Variants in KRT76 observed in about 807,000 individuals in gnomAD.
KRT76 encodes the protein keratin 76, also known as keratin, type II cytoskeletal 2 oral.
A neutral mutation model predicts 44.9 loss-of-function variants in KRT76; 47 were observed. That is an observed-to-expected ratio of 1.05 (90% CI 0.83 to 1.33). The LOEUF is 1.33. KRT76 is among the 40% of genes most tolerant of loss of function. KRT76 has a pLI of 0.00. For synonymous variants in KRT76, 331 were observed against 294.1 expected, an observed-to-expected ratio of 1.13 and a Z score of -1.28; for missense variants, 860 against 775.8, an observed-to-expected ratio of 1.11 and a Z score of -1.29.
At position 52,772,792 on chromosome 12, in the gene KRT76, G is replaced by T. The variant is rs1166343702; in HGVS notation, c.963C>A (p.Leu321=). The T allele has an allele frequency of 6.2e-7, 1 of 1,611,076 alleles. No homozygotes were observed. Among genetic ancestry groups the T allele is most frequent in the Non-Finnish European group, 8.5e-7 (1 of 1,177,338 alleles). Residue 321 remains leucine (L), a synonymous_variant, in exon 4 of 9, where the codon CTC becomes CTA. Transcript: ENST00000332411. ...CAAACCAAGGAATCACCATCTCATA[G>T]AGGGTCCTCAGGAAGCTGACTTCAT... is the stretch of plus-strand genomic sequence containing the variant. ...LTDEVSFLRT[L]YEMELSQMQS...
Position 52,768,977 on chromosome 12 carries a change from G to T in KRT76, c.1653C>A (p.Val551=). The change falls in exon 9 of 9, where the codon GTC becomes GTA. Residue 551 remains valine, a synonymous_variant. Coordinates refer to ENST00000332411, the MANE Select transcript of KRT76 (RefSeq NM_015848.4). ...CATAGCCACTGCCGCTGCCGCCACT[G>T]ACTCCATAGCCACTGCTGCTGCTGC... The part of the protein sequence containing the change: ...SSSSSSSGYG[V]SGGSGSGYGG... 2 of 1,155,658 alleles carry T rather than the reference G, an allele frequency of 1.7e-6. No individual in the cohort carries two copies. The highest frequency in any genetic ancestry group is 1.5e-5 in the African/African-American group (1 of 65,334). 71.6% of individuals were successfully genotyped at this position (1,155,658 alleles called of 1,614,324 possible).
In KRT76 at chr12:52,772,223, C is replaced by A. The variant is rs745778936; in HGVS notation, c.1008G>T (p.Thr336=). 6.2e-7 allele frequency: 1 copy of A among 1,609,308 alleles called. No homozygotes were observed. ...TGTTGTCCATGGACAGAACCACAGA[C>A]GTGTCACTGGCATGGCTTTGCATCT... ...LSQMQSHASD[T]SVVLSMDNNR... is the part of the protein sequence containing the mutation. Residue 336 remains threonine (T), a synonymous_variant, in exon 5 of 9, where the codon ACG becomes ACT. Coordinates refer to ENST00000332411, the MANE Select transcript of KRT76 (RefSeq NM_015848.4).
chr12:52,771,946 G>T lies in KRT76; in HGVS notation c.1188C>A (p.Asn396Lys). 6.2e-7 allele frequency: 1 copy of T among 1,614,136 alleles called. No individual in the cohort carries two copies. The highest frequency in any genetic ancestry group is 8.5e-7 in the Non-Finnish European group (1 of 1,180,006). Residue 396 changes from asparagine to lysine, a missense_variant, in exon 6 of 9, where the codon AAC becomes AAA. Transcript: ENST00000332411. ...TGAGCTCCATGATCTCACTCTTGGT[G>T]TTCCTCAGGTCATCCCCATGCCTGC... is the stretch of plus-strand genomic sequence containing the variant. ...TAGRHGDDLR[N>K]TKSEIMELNR...
rs1939131366 is a variant in KRT76 at position 52,768,809 on chromosome 12, A to G, written c.1821T>C (p.Thr607=). Residue 607 remains threonine, a synonymous_variant, in exon 9 of 9, where the codon ACT becomes ACC. Transcript: ENST00000332411. ...CAGACTTGTAGCCACTTCCTCCAGA[A>G]GTCTGGATGCTGCCAGAGCTGGAGC... ...GMGSSSGSIQ[T]SGGSGYKSGG... 2 of 1,613,874 alleles carry G rather than the reference A, an allele frequency of 1.2e-6. No individual in the cohort carries two copies. Among genetic ancestry groups the G allele is most frequent in the Non-Finnish European group, 1.7e-6 (2 of 1,179,926 alleles).
At position 52,775,877 on chromosome 12, in the gene KRT76, A is replaced by C. The variant is rs187259216; in HGVS notation, c.601-275T>G. Among the ~76,000 whole-genome samples, 6 of 152,264 alleles carry C rather than the reference A, an allele frequency of 3.9e-5. No individual in the cohort carries two copies. The East Asian group carries it at 5.8e-4, about 15-fold the overall frequency. ...TGATCCCCATTTTGTAGATAAGGAAACTGAGACTCAAAGAGTTTAAGTTTC... is the reference window on the plus strand; with the variant it reads ...TGATCCCCATTTTGTAGATAAGGAACCTGAGACTCAAAGAGTTTAAGTTTC... On this transcript the variant is annotated intron_variant, in intron 1 of 8. Transcript: ENST00000332411.
chr12:52,774,280 G>C (rs1321054183), intron 2 of KRT76, among the ~76,000 whole-genome samples: 1 of 152,196 alleles, frequency 6.6e-6, no homozygotes, highest in Non-Finnish European at 1.5e-5. Context: ...GGCAGTCAGT[G>C]AGAGGGCAAA....
chr12:52,777,036 T>C lies in KRT76; in HGVS notation c.256A>G (p.Ser86Gly). ...SRAGGFGGGR[S>G]SCGFAGGYGG... is the part of the protein sequence containing the mutation. ...TAGCCACCTGCAAAGCCACAGCTGC[T>C]CCGCCCTCCCCCAAAGCCTCCAGCC... is the stretch of plus-strand genomic sequence containing the variant. The change falls in exon 1 of 9, where the codon AGC becomes GGC. Residue 86 changes from serine to glycine, a missense_variant. Transcript: ENST00000332411. The C allele has an allele frequency of 1.2e-6, 2 of 1,614,008 alleles. No homozygotes were observed. Among genetic ancestry groups the C allele is most frequent in the Non-Finnish European group, 1.7e-6 (2 of 1,179,934 alleles).
rs1592294913 is a variant in KRT76 at position 52,774,875 on chromosome 12, G to A, written c.815+513C>T. 2.6e-5 allele frequency among the ~76,000 whole-genome samples: 4 copies of A among 152,306 alleles called. 1 individual carries two copies. Among genetic ancestry groups the A allele is most frequent in the Admixed American group, 2.6e-4 (4 of 15,302 alleles). ...GGATATGGACTGCAACTTGGAACGT[G>A]GAGGAGGAGGCAAACCAAAGCTGCA... is the stretch of plus-strand genomic sequence containing the variant. On this transcript the variant is annotated intron_variant, in intron 2 of 8. Coordinates refer to ENST00000332411, the MANE Select transcript of KRT76 (RefSeq NM_015848.4).
chr12:52,776,844 C>T lies in KRT76; in HGVS notation c.448G>A (p.Gly150Ser). 1 of 1,613,852 alleles carries T rather than the reference C, an allele frequency of 6.2e-7. No homozygotes were observed. ...FGGPGGFGPG[G>S]FPGGIQEVIV... ...ACTTCCTGAATTCCCCCAGGAAAGCCCCCAGGGCCAAAGCCACCAGGACCA... is the reference window on the plus strand; with the variant it reads ...ACTTCCTGAATTCCCCCAGGAAAGCTCCCAGGGCCAAAGCCACCAGGACCA... Residue 150 changes from glycine to serine, a missense_variant, in exon 1 of 9, where the codon GGC (glycine) becomes AGC (serine). Gly to Ser is a moderately conservative substitution (Grantham distance 56, BLOSUM62 0). Transcript: ENST00000332411.
rs555156130 is a variant in KRT76 at position 52,768,612 on chromosome 12, G to A, written c.*101C>T. 1.0e-5 allele frequency: 14 copies of A among 1,344,140 alleles called. No homozygotes were observed. The highest frequency in any genetic ancestry group is 1.9e-4 in the Middle Eastern group (1 of 5,212). The allele number at this position is 1,344,140 out of a possible 1,614,324, so 83.3% of individuals were successfully genotyped here. On this transcript the variant is annotated 3_prime_UTR_variant, in exon 9 of 9. Transcript: ENST00000332411. The stretch of plus-strand genomic sequence containing the variant: ...TTCTCCAGGGAACTTGAGGAAAAAT[G>A]TGGTTGACCCTTATGCATCTATTGA...
Position 52,772,269 on chromosome 12 carries a change from CAT to C in KRT76, c.973-13_973-12del. The stretch of plus-strand genomic sequence containing the variant: ...CATCTGGGACAGCTCCTGCAGGAAA[CAT>C]GGATAGTTACTCTTACCATCGCCTG... On this transcript the variant is annotated splice_polypyrimidine_tract_variant and intron_variant, in intron 4 of 8. Coordinates refer to ENST00000332411, the MANE Select transcript of KRT76 (RefSeq NM_015848.4). The C allele has an allele frequency of 4.4e-6, 7 of 1,586,074 alleles. No homozygotes were observed. The highest frequency in any genetic ancestry group is 6.0e-6 in the Non-Finnish European group (7 of 1,165,772).
intron 1 of KRT76, among the ~76,000 whole-genome samples, chr12:52,776,319 GT>G (rs148222082): frequency 0.039 from 5,930 of 152,294 alleles, 386 homozygotes; most frequent in African/African-American, 0.13. Flanking sequence ...CTAACACAAG[GT>G]TTTGATTACC....
At chr12:52,773,353 A>G (rs1939214209) in intron 3 of KRT76, among the ~76,000 whole-genome samples, 1 of 152,208 alleles carries the variant, frequency 6.6e-6, no homozygotes. Flanking sequence ...ATTAGTTCGC[A>G]TTGCTAATCA....
At position 52,768,560 on chromosome 12, in the gene KRT76, G is replaced by T. The variant is rs2121179744; in HGVS notation, c.*153C>A. On this transcript the variant is annotated 3_prime_UTR_variant, in exon 9 of 9. Coordinates refer to ENST00000332411, the MANE Select transcript of KRT76 (RefSeq NM_015848.4). ...CTCCATGGCCCTGGGAAGGTCATGG[G>T]GATGGAGAAACCAGGAGTTCAGCTT... 2.3e-6 allele frequency: 2 copies of T among 864,694 alleles called. No individual in the cohort carries two copies. Among genetic ancestry groups the T allele is most frequent in the East Asian group, 4.9e-5 (2 of 40,698 alleles). 53.6% of individuals were successfully genotyped at this position (864,694 alleles called of 1,614,324 possible).
rs1266191319 is a variant in KRT76, at chr12:52,769,130, C to T, written c.1520-20G>A. The T allele has an allele frequency of 1.5e-6, 1 of 681,820 alleles. No individual in the cohort carries two copies. Among genetic ancestry groups the T allele is most frequent in the Admixed American group, 2.1e-5 (1 of 48,336 alleles). The allele number at this position is 681,820 out of a possible 1,614,324, so 42.2% of individuals were successfully genotyped here. On this transcript the variant is annotated intron_variant, in intron 8 of 8. Coordinates refer to ENST00000332411, the MANE Select transcript of KRT76 (RefSeq NM_015848.4). ...CCACTGCTACAAGACAACAGGCACA[C>T]AATTCAGGCAAAGGGCCTGGGAAAC...
chr12:52,777,111 G>T lies in KRT76; in HGVS notation c.181C>A (p.Leu61Met). 1.2e-6 allele frequency: 2 copies of T among 1,614,228 alleles called. No homozygotes were observed. Among genetic ancestry groups the T allele is most frequent in the Non-Finnish European group, 1.7e-6 (2 of 1,180,054 alleles). The change falls in exon 1 of 9, where the codon CTG (leucine) becomes ATG (methionine). Residue 61 changes from leucine (L) to methionine (M), a missense_variant. By Grantham distance (15) the Leu-to-Met change is conservative. Coordinates refer to ENST00000332411, the MANE Select transcript of KRT76 (RefSeq NM_015848.4). Reference protein sequence around the residue: ...GSFGSRSLYNLGSNKSISISV... With the variant: ...GSFGSRSLYNMGSNKSISISV... ...ATGGAGATGCTCTTGTTGCTGCCCAGGTTGTAGAGGCTGCGACTGCCAAAG... is the reference window on the plus strand; with the variant it reads ...ATGGAGATGCTCTTGTTGCTGCCCATGTTGTAGAGGCTGCGACTGCCAAAG...
intron 3 of KRT76, among the ~76,000 whole-genome samples, chr12:52,773,146 C>T (rs1180777577): frequency 6.6e-6 from 1 of 152,064 alleles, no homozygotes; most frequent in South Asian, 2.1e-4. Context: ...TCATATTTAC[C>T]TAATATGTAT....
chr12:52,769,992 G>C (rs1939155193), intron 7 of KRT76, among the ~76,000 whole-genome samples: 1 of 152,154 alleles, frequency 6.6e-6, no homozygotes, highest in South Asian at 2.1e-4. Flanking sequence ...GGGCCCTCCT[G>C]GGGTGGTGGT....
rs1939267876 is a variant in KRT76 at position 52,776,809 on chromosome 12, GT to G, written c.482del (p.Asn161ThrfsTer19). The G allele has an allele frequency of 1.9e-6, 3 of 1,613,984 alleles. No individual in the cohort carries two copies. Among genetic ancestry groups the G allele is most frequent in the Admixed American group, 3.3e-5 (2 of 59,994 alleles). ...FPGGIQEVIV[N>X]QSLLQPLNVE... ...CATTGAGGGGCTGCAGGAGACTCTG[GT>G]TTACAATCACTTCCTGAATTCCCCC... On this transcript the variant is annotated frameshift_variant, in exon 1 of 9. Transcript: ENST00000332411. LOFTEE classifies it high-confidence loss of function.
Sources: gnomAD v4.1 joint callset for allele counts (sites outside exome capture counted in the v4.1 genomes callset) on GRCh38, gnomAD v4.1.1 for gene constraint, MANE v1.5 for transcripts, NCBI Gene and HGNC (gene_info 2026-07-23, HGNC 2026-07-21) for gene names.